Variants in ATP11B observed in about 807,000 individuals in gnomAD.
ATP11B encodes phospholipid-transporting ATPase IF.
ATP11B carries 81 observed loss-of-function variants against 157.8 expected under a neutral mutation model. That is an observed-to-expected ratio of 0.51 (90% CI 0.43 to 0.62). The LOEUF is 0.62. ATP11B is among the 20% of genes least tolerant of loss of function. ATP11B has a pLI of 0.00. For missense variants in ATP11B, 1,165 were observed against 1,402.2 expected (o/e 0.83, Z 2.70); for synonymous variants, 451 against 469.4 (o/e 0.96, Z 0.51).
rs768006061 is a variant in ATP11B, at chr3:182,898,713, G to A, written c.3259G>A (p.Asp1087Asn). 1.3e-6 allele frequency: 2 copies of A among 1,598,108 alleles called. No individual in the cohort carries two copies. Among genetic ancestry groups the A allele is most frequent in the Admixed American group, 3.5e-5 (2 of 57,970 alleles). Residue 1087 changes from aspartate to asparagine, a missense_variant, in exon 28 of 30, where the codon GAT becomes AAT. Physicochemically the swap from Asp to Asn is conservative, Grantham distance 23. Around this residue, in one of 4 missense-constraint regions of ATP11B, gnomAD observed 303 missense variants for 296.3 expected, o/e 1.02. Transcript: ENST00000323116. ...ILMVVTCLFL[D>N]IIKKVFDRHL... ...CATGGTTGTTACATGTCTATTTCTT[G>A]ATATCATAAAGAAGGTCTTTGACCG... is the stretch of plus-strand genomic sequence containing the variant.
rs920049685 is a variant in ATP11B, at chr3:182,844,438, C to A, written c.705-1020C>A. On this transcript the variant is annotated intron_variant, in intron 8 of 29. Coordinates refer to ENST00000323116, the MANE Select transcript of ATP11B (RefSeq NM_014616.3). Reference sequence around the variant, plus strand: ...TTCAGAAAACTATAAGGAATAGCAACAAAATAATTGCTTTTTAACTTTTCC... The same window carrying A: ...TTCAGAAAACTATAAGGAATAGCAAAAAAATAATTGCTTTTTAACTTTTCC... 9 of 435,592 alleles carry A rather than the reference C, an allele frequency of 2.1e-5. No individual in the cohort carries two copies. In the East Asian group the frequency reaches 1.1e-3, roughly 53 times the overall value. 27.0% of individuals were successfully genotyped at this position (435,592 alleles called of 1,614,324 possible). A position where few individuals can be genotyped will look rare whatever the true frequency, so the allele number is the denominator to read the frequency against.
intron 20 of ATP11B, 70 bp from the exon 21 acceptor site, chr3:182,880,809 G>C: frequency 2.2e-6 from 2 of 890,974 alleles, no homozygotes; most frequent in Non-Finnish European, 3.4e-6. Context: ...AGTCATTTCA[G>C]ATAAATGACT....
chr3:182,913,815 G>A (rs745420223), intron 28 of ATP11B, 46 bp from the exon 29 acceptor site: 2 of 1,613,472 alleles, frequency 1.2e-6, no homozygotes, highest in African/African-American at 2.7e-5. Flanking sequence ...CTTTTCAGAA[G>A]TCCATATCTT....
At chr3:182,874,714 A>C (rs960928193) in intron 19 of ATP11B, among the ~76,000 whole-genome samples, 1 of 152,202 alleles carries the variant, frequency 6.6e-6, no homozygotes, top group Non-Finnish European at 1.5e-5. Flanking sequence ...AACATTTGCA[A>C]TGTTAACTTT....
chr3:182,857,248 C>G (rs963093924), intron 10 of ATP11B, among the ~76,000 whole-genome samples: 2 of 152,196 alleles, frequency 1.3e-5, no homozygotes, highest in African/African-American at 4.8e-5. Context: ...CGAGTTCATG[C>G]CATTCTCCTG....
At chr3:182,830,333 A>AAAT (rs1434131291) in intron 4 of ATP11B, among the ~76,000 whole-genome samples, 1 of 152,094 alleles carries the variant, frequency 6.6e-6, no homozygotes, top group Admixed American at 6.5e-5. Context: ...AAAAAAAAAA[A>AAAT]AAAAAATGTA....
At chr3:182,865,420 C>T (rs751429475) in intron 12 of ATP11B, 36 bp from the exon 13 acceptor site, 12 of 1,597,262 alleles carry the variant, frequency 7.5e-6, no homozygotes, top group Non-Finnish European at 1.0e-5. Flanking sequence ...ACCATGAACA[C>T]AAAGGTTTAT....
intron 28 of ATP11B, among the ~76,000 whole-genome samples, chr3:182,907,256 T>C (rs988889100): frequency 2.6e-5 from 4 of 152,206 alleles, no homozygotes; most frequent in African/African-American, 9.7e-5. Flanking sequence ...ATAATTGTAT[T>C]ATTTGGACTA....
At chr3:182,796,415 G>T (rs1011477301) in intron 1 of ATP11B, among the ~76,000 whole-genome samples, 2 of 152,168 alleles carry the variant, frequency 1.3e-5, no homozygotes, top group East Asian at 3.8e-4. Context: ...ATTTAGACCT[G>T]TACGGTAGCC....
chr3:182,797,796 A>C (rs540950212), intron 1 of ATP11B, among the ~76,000 whole-genome samples: 1 of 152,304 alleles, frequency 6.6e-6, no homozygotes, highest in East Asian at 1.9e-4. Flanking sequence ...TATATAGGTA[A>C]AGTAAAATAA....
At chr3:182,895,219 G>A (rs1356000603) in intron 25 of ATP11B, among the ~76,000 whole-genome samples, 1 of 151,898 alleles carries the variant, frequency 6.6e-6, no homozygotes, top group East Asian at 1.9e-4. Flanking sequence ...CTGATCATCG[G>A]TATTTCTGGG....
intron 29 of ATP11B, chr3:182,917,684 A>G: frequency 1.0e-6 from 1 of 985,354 alleles, no homozygotes. Context: ...CTTTTCAGTA[A>G]AACAATGTGC....
chr3:182,897,345 G>A lies in ATP11B; in HGVS notation c.3091G>A (p.Val1031Ile), dbSNP rs766793854. 8.8e-6 allele frequency: 14 copies of A among 1,588,520 alleles called. No individual in the cohort carries two copies. Among genetic ancestry groups the A allele is most frequent in the East Asian group, 6.9e-5 (3 of 43,272 alleles). The change falls in exon 27 of 30, where the codon GTT (valine) becomes ATT (isoleucine). Residue 1031 changes from valine to isoleucine, a missense_variant. Physicochemically the swap from Val to Ile is conservative, Grantham distance 29. Coordinates refer to ENST00000323116, the MANE Select transcript of ATP11B (RefSeq NM_014616.3). ...TTTTTGGACTTGGATCAACCATCTCGTTACCTGGGGATCTATTATATTTTA... is the reference window on the plus strand; with the variant it reads ...TTTTTGGACTTGGATCAACCATCTCATTACCTGGGGATCTATTATATTTTA... The part of the protein sequence containing the change: ...THFWTWINHL[V>I]TWGSIIFYFV...
chr3:182,910,071 CAGAAAA>C (rs1159288095), intron 28 of ATP11B, among the ~76,000 whole-genome samples: 5 of 72,302 alleles, frequency 6.9e-5, no homozygotes, highest in Admixed American at 1.5e-4. Context: ...ACTCGGCCTC[CAGAAAA>C]AAAAAAAAAA....
At chr3:182,867,578 A>AATTTT in intron 15 of ATP11B, 134 bp downstream of exon 15, 2 of 232,974 alleles carry the variant, frequency 8.6e-6, no homozygotes, top group Non-Finnish European at 1.6e-5. Flanking sequence ...AAGTCACATT[A>AATTTT]CTTTTTTTTT....
intron 28 of ATP11B, chr3:182,902,531 A>G (rs972206321): frequency 3.1e-6 from 4 of 1,289,426 alleles, no homozygotes; most frequent in African/African-American, 3.0e-5. Flanking sequence ...CACTGCAGCC[A>G]TTGTCGAGGG....
At chr3:182,908,201 T>C (rs1416326047) in intron 28 of ATP11B, among the ~76,000 whole-genome samples, 1 of 135,858 alleles carries the variant, frequency 7.4e-6, no homozygotes, top group Admixed American at 7.2e-5. Context: ...ATTTTCTTTT[T>C]TTTTTTTTTT....
Position 182,915,250 on chromosome 3 carries a change from C to T in ATP11B, c.3452+1256C>T, listed in dbSNP as rs545421180. On this transcript the variant is annotated intron_variant, in intron 29 of 29. Coordinates refer to ENST00000323116, the MANE Select transcript of ATP11B (RefSeq NM_014616.3). The stretch of plus-strand genomic sequence containing the variant: ...TTTATAAATAGCATTCTTATGTTAA[C>T]ATAATGTCTGTGGTTTCAATCCCCG... 6.1e-6 allele frequency: 6 copies of T among 985,276 alleles called. No homozygotes were observed. In the East Asian group the frequency reaches 5.7e-4, roughly 93 times the overall value. The allele number at this position is 985,276 out of a possible 1,614,324, so 61.0% of individuals were successfully genotyped here.
chr3:182,906,617 T>C (rs1449140771), intron 28 of ATP11B, among the ~76,000 whole-genome samples: 2 of 151,952 alleles, frequency 1.3e-5, no homozygotes, highest in Non-Finnish European at 2.9e-5. Flanking sequence ...GCCCAGGTAG[T>C]TTTTTGTATT....
Sources: gnomAD v4.1 joint callset for allele counts (sites outside exome capture counted in the v4.1 genomes callset) on GRCh38, gnomAD v4.1.1 for gene constraint, gnomAD v4.1.1 regional missense constraint, MANE v1.5 for transcripts, NCBI Gene and HGNC (gene_info 2026-07-23, HGNC 2026-07-21) for gene names.